Variants in MAGI2 observed in about 807,000 individuals in gnomAD.
The protein encoded by MAGI2 is membrane associated guanylate kinase, WW and PDZ domain containing 2.
MAGI2 carries 35 observed loss-of-function variants against 133.3 expected under a neutral mutation model. The observed-to-expected ratio is 0.26, with a 90% CI of 0.20 to 0.35. MAGI2 has a LOEUF of 0.35. Ranked by LOEUF, MAGI2 falls within the 10% of genes least tolerant of loss-of-function variation. MAGI2 has a pLI of 1.00. For missense variants in MAGI2, 1,636 were observed against 1,863.4 expected, an observed-to-expected ratio of 0.88 and a Z score of 2.25; for synonymous variants, 729 against 710.6, an observed-to-expected ratio of 1.03 and a Z score of -0.41.
intron 3 of MAGI2, among the ~76,000 whole-genome samples, chr7:78,540,247 G>A (rs1449598519): frequency 1.3e-5 from 2 of 152,210 alleles, no homozygotes; most frequent in Non-Finnish European, 2.9e-5. Context: ...CCTTGAGCGG[G>A]GCTTGCTGTA....
chr7:78,272,236 C>T (rs1389662442), intron 9 of MAGI2, among the ~76,000 whole-genome samples: 2 of 152,094 alleles, frequency 1.3e-5, no homozygotes, highest in Non-Finnish European at 2.9e-5. Context: ...GTTCATTTTC[C>T]ATGTAGTTGT....
At chr7:79,051,844 A>G (rs1260783067) in intron 1 of MAGI2, among the ~76,000 whole-genome samples, 2 of 152,152 alleles carry the variant, frequency 1.3e-5, no homozygotes, top group African/African-American at 4.8e-5. Context: ...CATATTATTT[A>G]AATATTTGTT....
chr7:78,471,971 G>A lies in MAGI2; in HGVS notation c.1045+17790C>T, dbSNP rs568478423. Among the ~76,000 whole-genome samples the A allele has an allele frequency of 2.0e-5, 3 of 152,060 alleles. No individual in the cohort carries two copies. In the South Asian group the frequency reaches 6.2e-4, roughly 32 times the overall value. The stretch of plus-strand genomic sequence containing the variant: ...ATTACAGAACAAGTTCACACACTCA[G>A]TAAGTGGCAAGTTCACACAGCCAGT... On this transcript the variant is annotated intron_variant, in intron 6 of 21. Coordinates refer to ENST00000354212, the MANE Select transcript of MAGI2 (RefSeq NM_012301.4).
At chr7:79,446,154 CTG>C (rs1300869222) in intron 1 of MAGI2, among the ~76,000 whole-genome samples, 1 of 152,082 alleles carries the variant, frequency 6.6e-6, no homozygotes, top group Non-Finnish European at 1.5e-5. Context: ...CATCACACAC[CTG>C]GGCCTGTTGT....
chr7:79,057,254 GA>G (rs1813231988), intron 1 of MAGI2, among the ~76,000 whole-genome samples: 1 of 152,118 alleles, frequency 6.6e-6, no homozygotes, highest in Admixed American at 6.5e-5. Flanking sequence ...TATGGATTAG[GA>G]AATAGAGATG....
chr7:78,956,682 G>GTCA (rs1317758889), intron 2 of MAGI2, among the ~76,000 whole-genome samples: 1 of 152,126 alleles, frequency 6.6e-6, no homozygotes, highest in Non-Finnish European at 1.5e-5. Context: ...CTGTAGCAGG[G>GTCA]TCATATTTGT....
At chr7:78,842,037 T>G (rs572201195) in intron 2 of MAGI2, among the ~76,000 whole-genome samples, 2 of 152,124 alleles carry the variant, frequency 1.3e-5, no homozygotes, top group African/African-American at 2.4e-5. Flanking sequence ...AAATGTTGTT[T>G]GACTCCCTTT....
intron 1 of MAGI2, among the ~76,000 whole-genome samples, chr7:79,174,697 T>A (rs562638500): frequency 6.6e-6 from 1 of 150,422 alleles, no homozygotes; most frequent in East Asian, 1.9e-4. Flanking sequence ...TTAAATTTTT[T>A]AAAAAAAGAA....
intron 3 of MAGI2, among the ~76,000 whole-genome samples, chr7:78,574,931 C>A (rs957016741): frequency 6.6e-6 from 1 of 152,132 alleles, no homozygotes; most frequent in Non-Finnish European, 1.5e-5. Context: ...ATATTCAAGA[C>A]CATGCTTAAA....
At chr7:78,376,993 T>C (rs1794505144) in intron 6 of MAGI2, among the ~76,000 whole-genome samples, 1 of 152,146 alleles carries the variant, frequency 6.6e-6, no homozygotes, top group African/African-American at 2.4e-5. Flanking sequence ...CTTCAAAATA[T>C]GCATCTCCAG....
intron 1 of MAGI2, among the ~76,000 whole-genome samples, chr7:79,216,983 T>C (rs185224576): frequency 6.6e-6 from 1 of 152,102 alleles, no homozygotes; most frequent in Non-Finnish European, 1.5e-5. Context: ...GAAACATCAT[T>C]GTTAATTGAC....
At chr7:79,181,184 T>G (rs1430335184) in intron 1 of MAGI2, among the ~76,000 whole-genome samples, 2 of 151,932 alleles carry the variant, frequency 1.3e-5, no homozygotes, top group Non-Finnish European at 2.9e-5. Context: ...AGTGCCCCAG[T>G]AGAGACTCTG....
intron 1 of MAGI2, among the ~76,000 whole-genome samples, chr7:79,227,199 G>C (rs1366636117): frequency 1.3e-5 from 2 of 152,190 alleles, no homozygotes; most frequent in Middle Eastern, 3.4e-3. Flanking sequence ...AAGCTGTTGT[G>C]AACAAAACCT....
At chr7:79,198,781 G>C (rs141464155) in intron 1 of MAGI2, among the ~76,000 whole-genome samples, 1 of 151,864 alleles carries the variant, frequency 6.6e-6, no homozygotes, top group East Asian at 1.9e-4. Context: ...CCAGCTATTC[G>C]GGAGGCTGAG....
intron 1 of MAGI2, among the ~76,000 whole-genome samples, chr7:79,263,733 T>C (rs954028654): frequency 6.6e-6 from 1 of 152,164 alleles, no homozygotes; most frequent in Admixed American, 6.6e-5. Context: ...GAAAAATATA[T>C]GCTGCTTTCT....
At chr7:78,676,564 A>G (rs1815054022) in intron 2 of MAGI2, among the ~76,000 whole-genome samples, 1 of 152,174 alleles carries the variant, frequency 6.6e-6, no homozygotes. Flanking sequence ...GTCAATGCTA[A>G]AGAAGTGAGA....
intron 3 of MAGI2, among the ~76,000 whole-genome samples, chr7:78,556,317 C>T (rs1799819028): frequency 6.6e-6 from 1 of 152,178 alleles, no homozygotes; most frequent in Non-Finnish European, 1.5e-5. Context: ...GCCATGTGCA[C>T]TTTGCTGACA....
chr7:79,012,374 C>T (rs1206627859), intron 1 of MAGI2: 1 of 152,152 alleles, frequency 6.6e-6, no homozygotes, highest in East Asian at 1.9e-4. Context: ...AGCCGGAAGT[C>T]TTCTCTCTGC....
At chr7:78,406,909 T>C (rs944003358) in intron 6 of MAGI2, among the ~76,000 whole-genome samples, 2 of 152,080 alleles carry the variant, frequency 1.3e-5, no homozygotes, top group African/African-American at 2.4e-5. Flanking sequence ...TGTCACTGTA[T>C]AAGATTATAC....
Sources: gnomAD v4.1 joint callset for allele counts (sites outside exome capture counted in the v4.1 genomes callset) on GRCh38, gnomAD v4.1.1 for gene constraint, MANE v1.5 for transcripts, NCBI Gene and HGNC (gene_info 2026-07-23, HGNC 2026-07-21) for gene names.